Variants in NUP210L observed in about 807,000 individuals in gnomAD.
NUP210L encodes nucleoporin 210 like, also known as nuclear pore membrane glycoprotein 210-like.
Under a neutral mutation model 208.5 loss-of-function variants are expected in NUP210L, and 74 were observed. The ratio of observed to expected loss-of-function variants is 0.35; its 90% CI spans 0.29 to 0.43. The LOEUF (loss-of-function observed/expected upper bound fraction) is 0.43. NUP210L is among the 20% of genes least tolerant of loss of function. The pLI is 1.00. For synonymous variants in NUP210L, 780 were observed against 816.9 expected (o/e 0.95, Z 0.77); for missense variants, 1,843 against 2,289.4 (o/e 0.81, Z 3.98).
Position 154,043,407 on chromosome 1 carries a change from C to T in NUP210L, c.3696+2662G>A, listed in dbSNP as rs577834159. On this transcript the variant is annotated intron_variant, in intron 27 of 39. Transcript: ENST00000368559. The stretch of plus-strand genomic sequence containing the variant: ...TCAGTTCACCACAACCTCCACCTCC[C>T]GGGTTCAAGCGATTCTCCTGCCTCA... 6.3e-4 allele frequency among the ~76,000 whole-genome samples: 95 copies of T among 151,192 alleles called. No homozygotes were observed. The South Asian group carries it at 6.9e-3, about 11-fold the overall frequency.
At chr1:154,020,046 T>C (rs1276071905) in intron 32 of NUP210L, among the ~76,000 whole-genome samples, 2 of 152,260 alleles carry the variant, frequency 1.3e-5, no homozygotes, top group Admixed American at 6.5e-5. Context: ...GTTTAGCTCA[T>C]TGGTCCTGGA....
At chr1:154,130,887 A>C (rs1257680873) in intron 7 of NUP210L, among the ~76,000 whole-genome samples, 4 of 152,010 alleles carry the variant, frequency 2.6e-5, no homozygotes, top group Non-Finnish European at 5.9e-5. Flanking sequence ...GCCCGGCCTA[A>C]AGCAAATCTT....
chr1:154,118,183 C>T (rs898148956), intron 11 of NUP210L, among the ~76,000 whole-genome samples: 9 of 152,018 alleles, frequency 5.9e-5, no homozygotes, highest in Non-Finnish European at 1.2e-4. Context: ...GTGGCACACG[C>T]CTGTAATCCC....
intron 34 of NUP210L, among the ~76,000 whole-genome samples, chr1:154,011,915 G>A (rs1650949949): frequency 6.6e-6 from 1 of 151,182 alleles, no homozygotes. Context: ...TTGAACTCCT[G>A]GTCAGGCTGG....
At chr1:154,104,777 T>C (rs1465642953) in intron 12 of NUP210L, among the ~76,000 whole-genome samples, 1 of 152,066 alleles carries the variant, frequency 6.6e-6, no homozygotes, top group Non-Finnish European at 1.5e-5. Context: ...CTAAATAAAC[T>C]TGAAAGGCTG....
intron 20 of NUP210L, among the ~76,000 whole-genome samples, chr1:154,060,188 G>A (rs1657119632): frequency 1.3e-5 from 2 of 152,110 alleles, no homozygotes; most frequent in South Asian, 2.1e-4. Flanking sequence ...GCAGTGAGCC[G>A]AGATCGCACC....
intron 3 of NUP210L, 54 bp from the exon 4 acceptor site, chr1:154,141,578 A>G (rs1369672187): frequency 1.9e-6 from 2 of 1,069,720 alleles, no homozygotes; most frequent in Admixed American, 3.7e-5. Flanking sequence ...AAAAATATTC[A>G]GGTATTTACA....
At chr1:154,064,844 G>A (rs1485493016) in intron 17 of NUP210L, among the ~76,000 whole-genome samples, 2 of 152,038 alleles carry the variant, frequency 1.3e-5, no homozygotes, top group African/African-American at 4.8e-5. Context: ...GAAGGCCGAG[G>A]CAGGCAGATC....
intron 35 of NUP210L, among the ~76,000 whole-genome samples, chr1:154,004,652 C>G (rs1650405938): frequency 6.6e-6 from 1 of 150,870 alleles, no homozygotes; most frequent in African/African-American, 2.4e-5. Context: ...CGTTATTCCT[C>G]TTTTCTTTCT....
intron 10 of NUP210L, 104 bp downstream of exon 10, chr1:154,126,219 G>T: frequency 1.1e-6 from 1 of 951,240 alleles, no homozygotes; most frequent in Non-Finnish European, 1.6e-6. Context: ...TTATTTTTCT[G>T]AAAGATAAAG....
intron 25 of NUP210L, among the ~76,000 whole-genome samples, chr1:154,047,962 G>A (rs544497280): frequency 1.3e-5 from 2 of 152,302 alleles, no homozygotes; most frequent in Admixed American, 1.3e-4. Flanking sequence ...AGCAATCCCT[G>A]TGGTGAGTAA....
intron 7 of NUP210L, among the ~76,000 whole-genome samples, chr1:154,134,959 A>C (rs1215510466): frequency 6.6e-6 from 1 of 151,418 alleles, no homozygotes; most frequent in Non-Finnish European, 1.5e-5. Context: ...GCTGTTCTCA[A>C]ACTCCCGACC....
intron 12 of NUP210L, among the ~76,000 whole-genome samples, chr1:154,113,602 G>A (rs1233402285): frequency 6.6e-6 from 1 of 152,088 alleles, no homozygotes; most frequent in Non-Finnish European, 1.5e-5. Flanking sequence ...GCTCACGCCT[G>A]TAATCCCAGC....
At chr1:153,999,412 A>G (rs1650077887) in intron 37 of NUP210L, among the ~76,000 whole-genome samples, 1 of 152,242 alleles carries the variant, frequency 6.6e-6, no homozygotes, top group Non-Finnish European at 1.5e-5. Context: ...ATGCAAAAAG[A>G]TTTAAATACT....
rs548368257 is a variant in NUP210L at position 154,110,321 on chromosome 1, G to C, written c.1621-6111C>G. 6.1e-5 allele frequency among the ~76,000 whole-genome samples: 9 copies of C among 148,214 alleles called. No individual in the cohort carries two copies. In the East Asian group the frequency reaches 1.8e-3, roughly 30 times the overall value. On this transcript the variant is annotated intron_variant, in intron 12 of 39. Coordinates refer to ENST00000368559, the Ensembl canonical transcript of NUP210L. ...ACAGTCTTGCTCTGTTGCCAGGCCA[G>C]AGTGCTGTGGTGCAATCTCAGCTCA...
At chr1:154,081,952 G>A (rs1246828541) in intron 16 of NUP210L, among the ~76,000 whole-genome samples, 1 of 152,132 alleles carries the variant, frequency 6.6e-6, no homozygotes, top group Non-Finnish European at 1.5e-5. Flanking sequence ...ATTGCACTCA[G>A]CCTGGGCAAC....
chr1:154,142,940 G>T (rs1558007745), intron 3 of NUP210L, among the ~76,000 whole-genome samples: 1 of 150,016 alleles, frequency 6.7e-6, no homozygotes, highest in Non-Finnish European at 1.5e-5. Flanking sequence ...TGTAATCCCA[G>T]CACTTTGGGA....
At chr1:154,132,631 A>T (rs995942735) in intron 7 of NUP210L, among the ~76,000 whole-genome samples, 1 of 152,180 alleles carries the variant, frequency 6.6e-6, no homozygotes, top group Non-Finnish European at 1.5e-5. Context: ...GGAAAAAAAT[A>T]ACAATATGAA....
At chr1:154,087,303 A>G (rs187155505) in intron 16 of NUP210L, among the ~76,000 whole-genome samples, 1 of 149,780 alleles carries the variant, frequency 6.7e-6, no homozygotes, top group African/African-American at 2.5e-5. Flanking sequence ...CTGGGCGAAA[A>G]GAATGAAGCT....
Sources: allele counts gnomAD v4.1 joint callset (sites outside exome capture counted in the v4.1 genomes callset), GRCh38; gene constraint gnomAD v4.1.1; transcripts MANE v1.5; gene names NCBI Gene and HGNC (gene_info 2026-07-23, HGNC 2026-07-21).